The following MAST2 variants were observed in gnomAD, a reference collection of about 807,000 sequenced individuals.
The protein encoded by MAST2 is microtubule-associated serine/threonine-protein kinase 2.
In MAST2, 70 loss-of-function variants were observed where a neutral mutation model predicts 147.4. The ratio of observed to expected loss-of-function variants is 0.47; its 90% CI spans 0.39 to 0.58. MAST2 has a LOEUF of 0.58. Among genes scored for constraint, MAST2 ranks in the 20% least tolerant of loss-of-function variants. The probability of loss-of-function intolerance (pLI) is 0.00; values close to 1 mark genes in which losing one functional copy is unlikely to be tolerated. For synonymous variants in MAST2, 869 were observed against 896.8 expected, an observed-to-expected ratio of 0.97 and a Z score of 0.55; for missense variants, 2,080 against 2,302.3, an observed-to-expected ratio of 0.90 and a Z score of 1.98.
At chr1:45,830,742 G>T (rs533774510) in intron 3 of MAST2, among the ~76,000 whole-genome samples, 1 of 152,206 alleles carries the variant, frequency 6.6e-6, no homozygotes, top group African/African-American at 2.4e-5. Flanking sequence ...AAGAATGAGG[G>T]CCGGGTGCAG....
chr1:46,006,815 A>G (rs1645506157), intron 8 of MAST2, among the ~76,000 whole-genome samples: 1 of 152,176 alleles, frequency 6.6e-6, no homozygotes. Context: ...CAGCAGAAAT[A>G]TACTTTAGAT....
chr1:46,003,892 A>G (rs1645375391), intron 7 of MAST2, among the ~76,000 whole-genome samples: 1 of 152,172 alleles, frequency 6.6e-6, no homozygotes, highest in South Asian at 2.1e-4. Context: ...TGCTGACCCC[A>G]TCCCCATTAC....
chr1:45,842,240 A>T (rs1645299337), intron 3 of MAST2, among the ~76,000 whole-genome samples: 1 of 152,210 alleles, frequency 6.6e-6, no homozygotes, highest in Non-Finnish European at 1.5e-5. Flanking sequence ...GGTTTGGGGG[A>T]GAAAATTAAT....
chr1:45,942,392 G>C (rs1657429747), intron 4 of MAST2, among the ~76,000 whole-genome samples: 1 of 152,166 alleles, frequency 6.6e-6, no homozygotes, highest in Non-Finnish European at 1.5e-5. Flanking sequence ...GTGGTGATGA[G>C]GACATGGAGA....
chr1:45,882,576 C>T (rs1646899659), intron 4 of MAST2, among the ~76,000 whole-genome samples, 181 bp downstream of exon 4: 1 of 152,348 alleles, frequency 6.6e-6, no homozygotes, highest in African/African-American at 2.4e-5. Flanking sequence ...AGATCTTCCC[C>T]TCCTCCCCAT....
chr1:45,839,543 C>A (rs1336956860), intron 3 of MAST2, among the ~76,000 whole-genome samples: 1 of 152,100 alleles, frequency 6.6e-6, no homozygotes, highest in Non-Finnish European at 1.5e-5. Flanking sequence ...GAAATGCTGG[C>A]TTACAGGCAT....
In MAST2 at chr1:45,926,742, T is replaced by A. The variant is rs549313142; in HGVS notation, c.501-32644T>A. ...CTCTTGTTAGAGTAGGGAAGGTTTT[T>A]TGATTTTTTTTTTTTGTTTTTTCAT... On this transcript the variant is annotated intron_variant, in intron 4 of 28. Transcript: ENST00000361297. Among the ~76,000 whole-genome samples, 10 of 152,194 alleles carry A rather than the reference T, an allele frequency of 6.6e-5. No individual in the cohort carries two copies. In the South Asian group the frequency reaches 1.9e-3, roughly 28 times the overall value.
chr1:45,958,099 G>A (rs1440043201), intron 4 of MAST2, among the ~76,000 whole-genome samples: 1 of 152,070 alleles, frequency 6.6e-6, no homozygotes, highest in Admixed American at 6.6e-5. Context: ...AGAGTGGAAG[G>A]CATTCCATGG....
chr1:45,968,025 C>T (rs1643676274), intron 5 of MAST2, among the ~76,000 whole-genome samples: 1 of 152,108 alleles, frequency 6.6e-6, no homozygotes, highest in East Asian at 1.9e-4. Flanking sequence ...AAATGCAAAA[C>T]TTTTTAAGCA....
At position 46,035,968 on chromosome 1, in the gene MAST2, A is replaced by T. The variant is rs763661962; in HGVS notation, c.5299A>T (p.Lys1767Ter). Reference protein sequence around the residue: ...VPCRGCPLTQKSEPSLRRGQE... With the variant: ...VPCRGCPLTQ ...ATGCCGAGGCTGCCCCCTCACCCAGAAGTCTGAGCCCAGCCTCAGGAGGGG... is the reference window on the plus strand; with the variant it reads ...ATGCCGAGGCTGCCCCCTCACCCAGTAGTCTGAGCCCAGCCTCAGGAGGGG... Residue 1767 changes from lysine to a stop codon, truncating the protein, a stop_gained, in exon 29 of 29, where the codon AAG becomes TAG. Coordinates refer to ENST00000361297, the MANE Select transcript of MAST2 (RefSeq NM_015112.3). LOFTEE classifies it high-confidence loss of function. The surrounding 1 kb of genome is among the most constrained non-coding windows in gnomAD (Gnocchi z 5.5). 16 of 1,613,898 alleles carry T rather than the reference A, an allele frequency of 9.9e-6. No individual in the cohort carries two copies. The highest frequency in any genetic ancestry group is 1.3e-5 in the African/African-American group (1 of 75,038).
At chr1:46,019,471 C>CT (rs1646094025) in intron 10 of MAST2, 125 bp from the exon 11 acceptor site, 3 of 695,770 alleles carry the variant, frequency 4.3e-6, no homozygotes, top group Non-Finnish European at 7.3e-6. Context: ...CTCTGAGTTC[C>CT]TTGCTTTGCG....
At chr1:45,860,561 G>A (rs1315233972) in intron 3 of MAST2, among the ~76,000 whole-genome samples, 3 of 152,154 alleles carry the variant, frequency 2.0e-5, no homozygotes, top group Non-Finnish European at 4.4e-5. Flanking sequence ...GCCGGGCGCA[G>A]TGGCTGATGC....
intron 4 of MAST2, among the ~76,000 whole-genome samples, chr1:45,911,869 T>C (rs1193986756): frequency 1.0e-5 from 1 of 97,596 alleles, no homozygotes; most frequent in Non-Finnish European, 2.7e-5. Context: ...TTATTATTAT[T>C]ATTATTATTA....
At chr1:46,002,116 G>T (rs1193965440) in intron 6 of MAST2, among the ~76,000 whole-genome samples, 7 of 151,980 alleles carry the variant, frequency 4.6e-5, no homozygotes, top group Non-Finnish European at 7.4e-5. Flanking sequence ...GGGGTGGGGG[G>T]GCATGTTTTG....
intron 3 of MAST2, among the ~76,000 whole-genome samples, chr1:45,880,786 G>A (rs1431738804): frequency 6.6e-6 from 1 of 151,890 alleles, no homozygotes; most frequent in African/African-American, 2.4e-5. Context: ...TTTGAGACCA[G>A]CCTGGCCAAC....
chr1:46,032,615 C>T lies in MAST2; in HGVS notation c.3434C>T (p.Pro1145Leu), dbSNP rs201220980. ...HMVWHVEDGG[P>L]ASEAGLRQGD... ...GCACAGCACGTGGAGGATGGAGGTC[C>T]GGCCAGTGAGGCAGGGCTTCGTCAA... The change falls in exon 26 of 29, where the codon CCG becomes CTG. Residue 1145 changes from proline to leucine, a missense_variant. Pro to Leu is a moderately conservative substitution (Grantham distance 98, BLOSUM62 -3). Around this residue, in one of 4 missense-constraint regions of MAST2, gnomAD observed 1,278 missense variants for 1,304.2 expected, o/e 0.98. Coordinates refer to ENST00000361297, the MANE Select transcript of MAST2 (RefSeq NM_015112.3). 6.1e-4 allele frequency: 990 copies of T among 1,613,962 alleles called. No individual in the cohort carries two copies. Among genetic ancestry groups the T allele is most frequent in the Non-Finnish European group, 7.6e-4 (899 of 1,179,966 alleles).
chr1:45,914,717 T>G (rs1014383795), intron 4 of MAST2, among the ~76,000 whole-genome samples: 14 of 152,156 alleles, frequency 9.2e-5, no homozygotes, highest in Non-Finnish European at 1.8e-4. Context: ...GAATTAATGA[T>G]TCTATTAGAC....
chr1:45,920,981 T>C (rs553755140), intron 4 of MAST2, among the ~76,000 whole-genome samples: 1 of 152,172 alleles, frequency 6.6e-6, no homozygotes, highest in Admixed American at 6.5e-5. Flanking sequence ...CTTACTCCAA[T>C]GTCTGTGGTG....
chr1:45,850,952 T>C (rs934933748), intron 3 of MAST2, among the ~76,000 whole-genome samples: 10 of 152,074 alleles, frequency 6.6e-5, no homozygotes. Context: ...ATTTGAGCTC[T>C]TTTTTGGTTT....
Sources: allele counts gnomAD v4.1 joint callset (sites outside exome capture counted in the v4.1 genomes callset), GRCh38; gene constraint gnomAD v4.1.1; regional missense constraint gnomAD v4.1.1; non-coding constraint Gnocchi (gnomAD v3.1); transcripts MANE v1.5; gene names NCBI Gene and HGNC (gene_info 2026-07-23, HGNC 2026-07-21).